SPSB1: variants seen among roughly 807,000 people sequenced by gnomAD.
SPSB1 encodes SPRY domain-containing SOCS box protein 1.
Under a neutral mutation model 21.2 loss-of-function variants are expected in SPSB1, and 8 were observed. That is an observed-to-expected ratio of 0.38 (90% CI 0.22 to 0.68). The LOEUF (loss-of-function observed/expected upper bound fraction) is 0.68, where lower values mean the gene tolerates loss of function less well. Among genes scored for constraint, SPSB1 ranks in the 30% least tolerant of loss-of-function variants. SPSB1 has a pLI of 0.53. For synonymous variants in SPSB1, 169 were observed against 161.7 expected (o/e 1.05, Z -0.34); for missense variants, 242 against 377.8 (o/e 0.64, Z 2.98).
At chr1:9,330,543 A>G (rs1639897816) in intron 1 of SPSB1, among the ~76,000 whole-genome samples, 1 of 44,492 alleles carries the variant, frequency 2.2e-5, no homozygotes, top group Non-Finnish European at 4.9e-5. Flanking sequence ...GAACCACAGT[A>G]ACATCCTGCC....
At chr1:9,339,253 C>A in intron 1 of SPSB1, 6 of 985,410 alleles carry the variant, frequency 6.1e-6, no homozygotes, top group Non-Finnish European at 7.2e-6. Context: ...TATTCGAGAA[C>A]TCCAGGTCCC....
intron 1 of SPSB1, among the ~76,000 whole-genome samples, chr1:9,314,315 C>T (rs1470429623): frequency 6.6e-6 from 1 of 152,108 alleles, no homozygotes; most frequent in Non-Finnish European, 1.5e-5. Context: ...TCCTCCCTCC[C>T]GCTCCTAAAT....
At position 9,356,083 on chromosome 1, in the gene SPSB1, T is replaced by C. The variant is rs143223152; in HGVS notation, c.192T>C (p.Asn64=). Residue 64 remains asparagine (N), a synonymous_variant, in exon 2 of 3, where the codon AAT becomes AAC. Coordinates refer to ENST00000328089, the MANE Select transcript of SPSB1 (RefSeq NM_025106.4). The surrounding 1 kb of genome is among the most constrained non-coding windows in gnomAD (Gnocchi z 7.4). ...GGAACAACAACGACCGATCGCTCAATGTCTTTGTGAAGGAGGACGACAAGC... is the reference window on the plus strand; with the variant it reads ...GGAACAACAACGACCGATCGCTCAACGTCTTTGTGAAGGAGGACGACAAGC... ...HSWNNNDRSL[N]VFVKEDDKLI... is the part of the protein sequence containing the mutation. 1.9e-6 allele frequency: 3 copies of C among 1,611,780 alleles called. No individual in the cohort carries two copies. In the African/African-American group the frequency reaches 4.0e-5, roughly 22 times the overall value.
intron 1 of SPSB1, among the ~76,000 whole-genome samples, chr1:9,297,079 A>G (rs1639236903): frequency 6.6e-6 from 1 of 152,196 alleles, no homozygotes; most frequent in Non-Finnish European, 1.5e-5. Context: ...ACCTTGTGCA[A>G]TGCAGGCATG....
chr1:9,320,889 A>G (rs1386653755), intron 1 of SPSB1, among the ~76,000 whole-genome samples: 1 of 31,546 alleles, frequency 3.2e-5, no homozygotes, highest in Non-Finnish European at 6.3e-5. Context: ...TCTGGCCACG[A>G]AAGGCTGGCC....
At chr1:9,295,605 C>T (rs750918927) in intron 1 of SPSB1, among the ~76,000 whole-genome samples, 14 of 152,182 alleles carry the variant, frequency 9.2e-5, no homozygotes, top group Admixed American at 2.6e-4. Flanking sequence ...GGAATCATCA[C>T]AGATGTTGAA....
chr1:9,298,897 G>A (rs1639270088), intron 1 of SPSB1, among the ~76,000 whole-genome samples: 1 of 152,200 alleles, frequency 6.6e-6, no homozygotes, highest in East Asian at 1.9e-4. Flanking sequence ...AAGGCCAAGT[G>A]GAAACCATTA....
chr1:9,296,803 C>T (rs1240304980), intron 1 of SPSB1, among the ~76,000 whole-genome samples: 1 of 152,224 alleles, frequency 6.6e-6, no homozygotes, highest in African/African-American at 2.4e-5. Context: ...AGGCTCCTTC[C>T]TTGCTTGGAC....
At chr1:9,357,207 G>A (rs1640384430) in intron 2 of SPSB1, among the ~76,000 whole-genome samples, 1 of 149,130 alleles carries the variant, frequency 6.7e-6, no homozygotes, top group Admixed American at 6.7e-5. Context: ...ATGGGTGGAT[G>A]GATCAGTGAA....
rs112679489 is a variant in SPSB1, at chr1:9,348,620, G to A, written c.-149-7123G>A. Among the ~76,000 whole-genome samples, 683 of 152,118 alleles carry A rather than the reference G, an allele frequency of 4.5e-3. 4 individuals are homozygous for A. The highest frequency in any genetic ancestry group is 7.9e-3 in the South Asian group (38 of 4,796). On this transcript the variant is annotated intron_variant, in intron 1 of 2. Coordinates refer to ENST00000328089, the MANE Select transcript of SPSB1 (RefSeq NM_025106.4). This position sits in a 1 kb window ranked among gnomAD's most constrained non-coding sequence, Gnocchi z 4.8. ...GCTGCCCCCACCTGGAGGAGCCCAC[G>A]AAACTGGAGGGATTTGCGAGGTTCT...
At chr1:9,332,188 C>CAAA (rs36047874) in intron 1 of SPSB1, among the ~76,000 whole-genome samples, 14 of 139,746 alleles carry the variant, frequency 1.0e-4, no homozygotes, top group Non-Finnish European at 1.9e-4. Flanking sequence ...CCACCTCTAC[C>CAAA]AAAAAAAAAA....
At chr1:9,315,114 A>G (rs540447370) in intron 1 of SPSB1, among the ~76,000 whole-genome samples, 108 of 152,326 alleles carry the variant, frequency 7.1e-4, no homozygotes, top group African/African-American at 2.5e-3. Flanking sequence ...CCCTCTCTGT[A>G]GAGGTGAGGA....
rs74978644 is a variant in SPSB1, at chr1:9,342,570, C to T, written c.-149-13173C>T. Among the ~76,000 whole-genome samples the T allele has an allele frequency of 7.1e-3, 1,084 of 152,324 alleles. 11 individuals carry two copies. Among genetic ancestry groups the T allele is most frequent in the African/African-American group, 0.023 (949 of 41,558 alleles). ...CCTAGGAATCCAAACGTCCCTCTCC[C>T]GCCTCATCCTGCCTTGTTCCCAGTG... On this transcript the variant is annotated intron_variant, in intron 1 of 2. Coordinates refer to ENST00000328089, the MANE Select transcript of SPSB1 (RefSeq NM_025106.4).
In SPSB1 at chr1:9,348,856, C is replaced by G. The variant is rs1008187479; in HGVS notation, c.-149-6887C>G. 6.6e-6 allele frequency among the ~76,000 whole-genome samples: 1 copy of G among 151,968 alleles called. No individual in the cohort carries two copies. The highest frequency in any genetic ancestry group is 1.5e-5 in the Non-Finnish European group (1 of 68,020). ...GTTTGGAACCCCAACCCACCCCGTC[C>G]CATGGCTGCTCTGGAAACACTGGGT... On this transcript the variant is annotated intron_variant, in intron 1 of 2. Transcript: ENST00000328089. The surrounding 1 kb of genome is among the most constrained non-coding windows in gnomAD (Gnocchi z 4.8).
At position 9,348,421 on chromosome 1, in the gene SPSB1, G is replaced by A. The variant is rs1215203689; in HGVS notation, c.-149-7322G>A. The stretch of plus-strand genomic sequence containing the variant: ...TCTCCTGCCCCTCCAGGCTCCCTCA[G>A]CCTTCAGAGAGAATGGCTGCCCTAG... On this transcript the variant is annotated intron_variant, in intron 1 of 2. Coordinates refer to ENST00000328089, the MANE Select transcript of SPSB1 (RefSeq NM_025106.4). The surrounding 1 kb of genome is among the most constrained non-coding windows in gnomAD (Gnocchi z 4.8). Among the ~76,000 whole-genome samples the A allele has an allele frequency of 1.3e-5, 2 of 152,006 alleles. No individual in the cohort carries two copies. Among genetic ancestry groups the A allele is most frequent in the Non-Finnish European group, 2.9e-5 (2 of 68,004 alleles).
In SPSB1 at chr1:9,340,448, A is replaced by G. The variant is rs369530409; in HGVS notation, c.-149-15295A>G. On this transcript the variant is annotated intron_variant, in intron 1 of 2. Transcript: ENST00000328089. Reference sequence around the variant, plus strand: ...GTTGTGTTATGAAAACGTGGGTCCCAGAGGTTTGTTTTGTTGGCAGGTCTT... The same window carrying G: ...GTTGTGTTATGAAAACGTGGGTCCCGGAGGTTTGTTTTGTTGGCAGGTCTT... 4.6e-5 allele frequency among the ~76,000 whole-genome samples: 7 copies of G among 152,362 alleles called. No individual in the cohort carries two copies. In the East Asian group the frequency reaches 9.7e-4, roughly 21 times the overall value.
rs768677942 is a variant in SPSB1, at chr1:9,364,478, G to A, written c.695-2970G>A. Among the ~76,000 whole-genome samples, 27 of 152,342 alleles carry A rather than the reference G, an allele frequency of 1.8e-4. 1 individual carries two copies. Among genetic ancestry groups the A allele is most frequent in the Admixed American group, 1.6e-3 (24 of 15,298 alleles). ...AGGGATGTGCTCCAGGTCAGGCTGC[G>A]GGGCAGGGTCTGGAGTCACCAGGCT... On this transcript the variant is annotated intron_variant, in intron 2 of 2. Transcript: ENST00000328089.
chr1:9,362,918 T>C (rs553161), intron 2 of SPSB1, among the ~76,000 whole-genome samples: 120,314 of 152,248 alleles, frequency 0.79, 47,721 homozygotes, highest in East Asian at 0.96. Flanking sequence ...CTAAGCTTCC[T>C]GGGGATGGGC....
Position 9,293,203 on chromosome 1 carries a change from G to A in SPSB1, c.-150+132G>A. The A allele has an allele frequency of 1.0e-6, 1 of 955,686 alleles. No individual in the cohort carries two copies. The highest frequency in any genetic ancestry group is 1.2e-6 in the Non-Finnish European group (1 of 804,116). The allele number at this position is 955,686 out of a possible 1,614,324, so 59.2% of individuals were successfully genotyped here. A position where few individuals can be genotyped will look rare whatever the true frequency, so the allele number is the denominator to read the frequency against. ...GACCGAGTGGGTGGCGCGGGGCCGG[G>A]CGCGGGGGAGCGGGTGGAGTACGGG... is the stretch of plus-strand genomic sequence containing the variant. On this transcript the variant is annotated intron_variant, in intron 1 of 2. Coordinates refer to ENST00000328089, the MANE Select transcript of SPSB1 (RefSeq NM_025106.4). The surrounding 1 kb of genome is among the most constrained non-coding windows in gnomAD (Gnocchi z 5.1).
Sources: allele counts gnomAD v4.1 joint callset (sites outside exome capture counted in the v4.1 genomes callset), GRCh38; gene constraint gnomAD v4.1.1; non-coding constraint Gnocchi (gnomAD v3.1); transcripts MANE v1.5; gene names NCBI Gene and HGNC (gene_info 2026-07-23, HGNC 2026-07-21).